UMAD1: variants seen among roughly 807,000 people sequenced by gnomAD.
UMAD1 encodes UBAP1-MVB12-associated (UMA) domain containing 1.
In UMAD1, 8 loss-of-function variants were observed where a neutral mutation model predicts 6.1. The observed-to-expected ratio is 1.30, with a 90% CI of 0.76 to 2.35. The LOEUF is 2.35. UMAD1 is among the 30% of genes most tolerant of loss of function. UMAD1 has a pLI of 0.00. For missense variants in UMAD1, 130 were observed against 78.4 expected (o/e 1.66, Z -2.49); for synonymous variants, 56 against 31.4 (o/e 1.78, Z -2.61).
intron 1 of UMAD1, among the ~76,000 whole-genome samples, chr7:7,649,683 TTGG>T (rs2115548997): frequency 7.6e-6 from 1 of 132,418 alleles, no homozygotes; most frequent in African/African-American, 2.5e-5. Flanking sequence ...TGTATTCTTG[TTGG>T]TGGGGGGGCC....
At chr7:7,649,569 T>G (rs2115548884) in intron 1 of UMAD1, among the ~76,000 whole-genome samples, 1 of 152,356 alleles carries the variant, frequency 6.6e-6, no homozygotes, top group South Asian at 2.1e-4. Context: ...GTGTTCTGTT[T>G]TGTTGTTATT....
chr7:7,790,972 C>A (rs1782556858), intron 2 of UMAD1, among the ~76,000 whole-genome samples: 1 of 152,164 alleles, frequency 6.6e-6, no homozygotes, highest in East Asian at 1.9e-4. Context: ...CTCACTGCAA[C>A]CTCCGCCTCC....
At chr7:7,868,789 C>G (rs1056278161) in intron 3 of UMAD1, among the ~76,000 whole-genome samples, 1 of 152,184 alleles carries the variant, frequency 6.6e-6, no homozygotes, top group African/African-American at 2.4e-5. Flanking sequence ...CTTCTCCCCC[C>G]TAATTTCTGT....
chr7:7,708,997 A>G (rs1461755860), intron 2 of UMAD1, among the ~76,000 whole-genome samples: 1 of 151,818 alleles, frequency 6.6e-6, no homozygotes, highest in Non-Finnish European at 1.5e-5. Context: ...GTGGGAGGAA[A>G]AGAGGAGAGG....
chr7:7,790,468 C>T (rs1039610000), intron 2 of UMAD1, among the ~76,000 whole-genome samples: 4 of 152,212 alleles, frequency 2.6e-5, no homozygotes, highest in Admixed American at 1.3e-4. Context: ...GAGGGCAGCC[C>T]TGAGTTCATA....
rs559915478 is a variant in UMAD1, at chr7:7,761,986, A to G, written c.83-39684A>G. Among the ~76,000 whole-genome samples the G allele has an allele frequency of 3.9e-5, 6 of 152,234 alleles. No homozygotes were observed. In the East Asian group the frequency reaches 1.2e-3, roughly 29 times the overall value. On this transcript the variant is annotated intron_variant, in intron 2 of 3. Transcript: ENST00000682710. ...ATAAATGTTTGTTTAATTGAATTGC[A>G]TTGCTTTTGAAAGATCAGTTGCAGG...
At chr7:7,851,269 T>C (rs144959315) in intron 3 of UMAD1, among the ~76,000 whole-genome samples, 231 of 152,330 alleles carry the variant, frequency 1.5e-3, no homozygotes, top group Non-Finnish European at 2.8e-3. Flanking sequence ...TAATATTCCA[T>C]TGCGTGGCTA....
chr7:7,753,919 C>G (rs112835265), intron 2 of UMAD1, among the ~76,000 whole-genome samples: 6,441 of 152,192 alleles, frequency 0.042, 456 homozygotes, highest in African/African-American at 0.15. Context: ...TGTGGTGGCT[C>G]ATTCCTGTAA....
chr7:7,682,127 C>T (rs1435778147), intron 2 of UMAD1, among the ~76,000 whole-genome samples: 1 of 152,118 alleles, frequency 6.6e-6, no homozygotes, highest in Non-Finnish European at 1.5e-5. Flanking sequence ...GGAAATGCAT[C>T]ATGGTTTTCA....
intron 2 of UMAD1, among the ~76,000 whole-genome samples, chr7:7,723,898 C>A (rs562141155): frequency 6.1e-4 from 93 of 152,198 alleles, no homozygotes; most frequent in Non-Finnish European, 1.1e-3. Flanking sequence ...TGATAGGAAG[C>A]CTACTGCATA....
chr7:7,656,530 T>C (rs1459329951), intron 1 of UMAD1, among the ~76,000 whole-genome samples: 1 of 152,186 alleles, frequency 6.6e-6, no homozygotes, highest in Non-Finnish European at 1.5e-5. Context: ...TGTGTTCTCA[T>C]TGCTCAACTC....
chr7:7,771,675 A>G (rs1051676668), intron 2 of UMAD1, among the ~76,000 whole-genome samples: 22 of 152,200 alleles, frequency 1.4e-4, no homozygotes, highest in African/African-American at 3.1e-4. Context: ...TCTACAAACA[A>G]TCTTCTTAAG....
intron 2 of UMAD1, among the ~76,000 whole-genome samples, chr7:7,777,574 A>AAT (rs58039932): frequency 0.14 from 15,531 of 113,196 alleles, 1,244 homozygotes; most frequent in Admixed American, 0.17. Context: ...TACATGAGCA[A>AAT]ATATATATAT....
chr7:7,807,173 G>A (rs572369344), intron 3 of UMAD1, among the ~76,000 whole-genome samples: 6 of 152,092 alleles, frequency 3.9e-5, no homozygotes, highest in Non-Finnish European at 5.9e-5. Context: ...TTCCTTACGC[G>A]TCATAACTAC....
chr7:7,795,120 G>A (rs570404512), intron 2 of UMAD1, among the ~76,000 whole-genome samples: 94 of 152,258 alleles, frequency 6.2e-4, no homozygotes, highest in Admixed American at 1.4e-3. Context: ...ATTGACTTAT[G>A]TCTTTGCCTG....
chr7:7,877,283 C>T lies in UMAD1; in HGVS notation c.159C>T (p.Thr53=), dbSNP rs1027149912. 5 of 711,156 alleles carry T rather than the reference C, an allele frequency of 7.0e-6. No homozygotes were observed. Among genetic ancestry groups the T allele is most frequent in the African/African-American group, 7.0e-5 (4 of 57,088 alleles). The allele number at this position is 711,156 out of a possible 1,614,324, so 44.1% of individuals were successfully genotyped here. A position where few individuals can be genotyped will look rare whatever the true frequency, so the allele number is the denominator to read the frequency against. Residue 53 remains threonine, a splice_region_variant and synonymous_variant, in exon 4 of 4, where the codon ACC becomes ACT. Coordinates refer to ENST00000682710, the MANE Select transcript of UMAD1 (RefSeq NM_001302348.2). ...SDIEANQPLE[T]NKENSSSVTV... ...GTTTTAAATGTATGTATTTTTAGAC[C>T]AACAAAGAAAATTCATCCAGTGTGA...
intron 3 of UMAD1, among the ~76,000 whole-genome samples, chr7:7,853,798 G>C (rs1016067062): frequency 2.6e-5 from 4 of 151,846 alleles, no homozygotes; most frequent in Admixed American, 1.3e-4. Flanking sequence ...TATTATTATT[G>C]TCATCGAGAT....
intron 3 of UMAD1, among the ~76,000 whole-genome samples, chr7:7,836,529 G>T (rs1163718103): frequency 1.3e-5 from 2 of 151,872 alleles, no homozygotes; most frequent in East Asian, 3.8e-4. Context: ...GTGAGAGTTA[G>T]CAAAAACAGG....
chr7:7,786,685 A>G (rs1782467559), intron 2 of UMAD1, among the ~76,000 whole-genome samples: 1 of 152,180 alleles, frequency 6.6e-6, no homozygotes, highest in Non-Finnish European at 1.5e-5. Context: ...TGCAGAAGAG[A>G]AATACTTTGC....
Sources: allele counts gnomAD v4.1 joint callset (sites outside exome capture counted in the v4.1 genomes callset), GRCh38; gene constraint gnomAD v4.1.1; transcripts MANE v1.5; gene names NCBI Gene and HGNC (gene_info 2026-07-23, HGNC 2026-07-21).